Variants in ADAM9 observed in about 807,000 individuals in gnomAD.
ADAM9 encodes the protein ADAM metallopeptidase domain 9, also known as disintegrin and metalloproteinase domain-containing protein 9.
Under a neutral mutation model 108.1 loss-of-function variants are expected in ADAM9, and 54 were observed. The ratio of observed to expected loss-of-function variants is 0.50; its 90% confidence interval spans 0.40 to 0.63. ADAM9 has a LOEUF of 0.63. Ranked by LOEUF, ADAM9 falls within the 20% of genes least tolerant of loss-of-function variation. The pLI is 0.00. For synonymous variants in ADAM9, 316 were observed against 336.0 expected, an observed-to-expected ratio of 0.94 and a Z score of 0.65; for missense variants, 830 against 997.7, an observed-to-expected ratio of 0.83 and a Z score of 2.26.
intron 18 of ADAM9, among the ~76,000 whole-genome samples, chr8:39,083,838 A>AACT (rs1454123745): frequency 6.6e-6 from 1 of 152,134 alleles, no homozygotes; most frequent in Admixed American, 6.6e-5. Context: ...TCTCTTGGGT[A>AACT]ACTACCAGCT....
Position 39,011,658 on chromosome 8 carries a change from G to A in ADAM9, c.196G>A (p.Val66Ile), listed in dbSNP as rs773918513. Residue 66 changes from valine to isoleucine, a missense_variant and splice_region_variant, in exon 3 of 22, where the codon GTA (valine) becomes ATA (isoleucine). Physicochemically the swap from Val to Ile is conservative, Grantham distance 29 (BLOSUM62 3). Around this residue, in one of 3 missense-constraint regions of ADAM9, gnomAD observed 211 missense variants for 222.2 expected, o/e 0.95. Transcript: ENST00000487273. ...REAPRPYSKQ[V>I]SYVIQAEGKE... is the part of the protein sequence containing the mutation. The stretch of plus-strand genomic sequence containing the variant: ...TTCTTTTCCCCTTCTGTGCATTTAG[G>A]TATCTTATGTTATTCAGGCTGAAGG... 6.2e-7 allele frequency: 1 copy of A among 1,608,658 alleles called. No individual in the cohort carries two copies. Among genetic ancestry groups the A allele is most frequent in the South Asian group, 1.1e-5 (1 of 90,950 alleles).
In ADAM9 at chr8:39,007,986, A is replaced by G; in HGVS notation, c.195+3A>G. 1 of 1,581,118 alleles carries G rather than the reference A, an allele frequency of 6.3e-7. No homozygotes were observed. Among genetic ancestry groups the G allele is most frequent in the Non-Finnish European group, 8.7e-7 (1 of 1,152,004 alleles). ...CCCCTAGGCCCTATTCAAAACAAGT[A>G]AGTTATAATTGTTGAGAAATAATAT... On this transcript the variant is annotated splice_donor_region_variant and intron_variant, in intron 2 of 21. Coordinates refer to ENST00000487273, the MANE Select transcript of ADAM9 (RefSeq NM_003816.3).
At chr8:39,013,396 A>T (rs1251413853) in intron 3 of ADAM9, among the ~76,000 whole-genome samples, 1 of 148,140 alleles carries the variant, frequency 6.8e-6, no homozygotes, top group Non-Finnish European at 1.5e-5. Context: ...TTTTGGAACT[A>T]GCATTTTAAG....
chr8:39,054,129 A>G (rs1257126688), intron 12 of ADAM9, among the ~76,000 whole-genome samples: 1 of 152,170 alleles, frequency 6.6e-6, no homozygotes, highest in Non-Finnish European at 1.5e-5. Context: ...CCAGGAAGAG[A>G]ATCCTCACTA....
chr8:39,054,802 G>A (rs958594388), intron 13 of ADAM9, among the ~76,000 whole-genome samples: 5 of 151,960 alleles, frequency 3.3e-5, no homozygotes, highest in African/African-American at 1.2e-4. Context: ...GATTTTTAGA[G>A]TAACATATGC....
Position 39,090,139 on chromosome 8 carries a change from G to T in ADAM9, c.2161G>T (p.Asp721Tyr), listed in dbSNP as rs1468489145. ...TGCTATTTTTATCTTCATCAAGAGG[G>T]ATCAACTGTGGAGAAGCTACTTCAG... ...VCAIFIFIKR[D>Y]QLWRSYFRKK... The change falls in exon 19 of 22, where the codon GAT becomes TAT. Residue 721 changes from aspartate to tyrosine, a missense_variant. By Grantham distance (160) the Asp-to-Tyr change is radical. This residue lies in a region of ADAM9 where 238 missense variants were observed against 235.7 expected (regional missense o/e 1.01). Transcript: ENST00000487273. The T allele has an allele frequency of 1.2e-6, 2 of 1,613,844 alleles. No homozygotes were observed. Among genetic ancestry groups the T allele is most frequent in the Admixed American group, 3.3e-5 (2 of 60,000 alleles).
At chr8:39,054,602 GAAAA>G (rs755442483) in intron 13 of ADAM9, 29 bp downstream of exon 13, 1,061 of 943,362 alleles carry the variant, frequency 1.1e-3, no homozygotes, top group East Asian at 1.9e-3. Context: ...TTGGAAACAG[GAAAA>G]AAAAAAAAAA....
intron 12 of ADAM9, among the ~76,000 whole-genome samples, chr8:39,049,719 G>A (rs1338272339): frequency 5.9e-5 from 9 of 152,106 alleles, no homozygotes; most frequent in African/African-American, 1.7e-4. Context: ...GATTACAGGC[G>A]TGAGCCACTG....
chr8:39,038,748 A>G (rs908197901), intron 11 of ADAM9, among the ~76,000 whole-genome samples: 4 of 152,174 alleles, frequency 2.6e-5, no homozygotes, highest in Non-Finnish European at 5.9e-5. Context: ...ACTCCTCCCC[A>G]CAATATTCTT....
chr8:39,082,773 GAAA>G (rs1564365905), intron 17 of ADAM9, 52 bp downstream of exon 17: 2 of 1,527,560 alleles, frequency 1.3e-6, no homozygotes, highest in South Asian at 2.2e-5. Flanking sequence ...TAAATAATGA[GAAA>G]TCTCAGGACT....
At chr8:39,080,695 T>C (rs1838993573) in intron 16 of ADAM9, among the ~76,000 whole-genome samples, 1 of 152,198 alleles carries the variant, frequency 6.6e-6, no homozygotes, top group African/African-American at 2.4e-5. Flanking sequence ...TATATATTTA[T>C]TCAACATTTA....
At chr8:39,035,804 G>A (rs142217846) in intron 11 of ADAM9, among the ~76,000 whole-genome samples, 1 of 152,054 alleles carries the variant, frequency 6.6e-6, no homozygotes, top group Admixed American at 6.5e-5. Context: ...GTGACAGAGC[G>A]AGACTCTGTC....
chr8:39,027,208 T>C (rs1182249881), intron 11 of ADAM9, among the ~76,000 whole-genome samples: 1 of 152,168 alleles, frequency 6.6e-6, no homozygotes, highest in African/African-American at 2.4e-5. Flanking sequence ...TCAGTGTGGA[T>C]TGGATTACAC....
chr8:39,088,738 G>C (rs1839254475), intron 18 of ADAM9, among the ~76,000 whole-genome samples: 1 of 152,098 alleles, frequency 6.6e-6, no homozygotes, highest in Admixed American at 6.5e-5. Context: ...GTAAAAATAA[G>C]ATTGATAAAT....
At chr8:39,088,548 C>G (rs185113198) in intron 18 of ADAM9, among the ~76,000 whole-genome samples, 4 of 152,072 alleles carry the variant, frequency 2.6e-5, no homozygotes, top group Non-Finnish European at 5.9e-5. Context: ...TGAGCCACTG[C>G]GCCCGGCCAG....
intron 2 of ADAM9, among the ~76,000 whole-genome samples, chr8:39,009,552 A>C (rs1255190099): frequency 6.6e-6 from 1 of 152,126 alleles, no homozygotes; most frequent in Non-Finnish European, 1.5e-5. Flanking sequence ...TTCTACAGTC[A>C]ATGGTAGACT....
chr8:38,998,105 T>C (rs1464068365), intron 1 of ADAM9, among the ~76,000 whole-genome samples: 1 of 152,246 alleles, frequency 6.6e-6, no homozygotes, highest in African/African-American at 2.4e-5. Flanking sequence ...ATGGGAGTTT[T>C]TACTAAATCA....
At chr8:39,006,279 G>C (rs534928440) in intron 1 of ADAM9, among the ~76,000 whole-genome samples, 27 of 152,160 alleles carry the variant, frequency 1.8e-4, no homozygotes, top group Non-Finnish European at 2.9e-4. Flanking sequence ...GATGGGTAAA[G>C]AGTTTAAAAG....
At position 39,103,800 on chromosome 8, in the gene ADAM9, A is replaced by G; in HGVS notation, c.*100A>G. 1 of 1,133,698 alleles carries G rather than the reference A, an allele frequency of 8.8e-7. No homozygotes were observed. The highest frequency in any genetic ancestry group is 1.3e-6 in the Non-Finnish European group (1 of 758,744). 70.2% of individuals were successfully genotyped at this position (1,133,698 alleles called of 1,614,324 possible). Reference sequence around the variant, plus strand: ...GAAAAGCCTTTCTGTTGCAACTATGAATGAAAACAAAACACCACAAAACAG... The same window carrying G: ...GAAAAGCCTTTCTGTTGCAACTATGGATGAAAACAAAACACCACAAAACAG... On this transcript the variant is annotated 3_prime_UTR_variant, in exon 22 of 22. Transcript: ENST00000487273.
Sources: allele counts gnomAD v4.1 joint callset (sites outside exome capture counted in the v4.1 genomes callset), GRCh38; gene constraint gnomAD v4.1.1; regional missense constraint gnomAD v4.1.1; transcripts MANE v1.5; gene names NCBI Gene and HGNC (gene_info 2026-07-23, HGNC 2026-07-21).